PMS1: variants seen among roughly 807,000 people sequenced by gnomAD.
The protein encoded by PMS1 is PMS1 homolog 1, mismatch repair system component, also known as PMS1 protein homolog 1.
In PMS1, 79 loss-of-function variants were observed where a neutral mutation model predicts 93.1. The observed-to-expected ratio is 0.85, with a 90% CI of 0.71 to 1.02. PMS1 has a LOEUF of 1.02. PMS1 is among the 50% of genes least tolerant of loss of function. PMS1 has a pLI of 0.00. For missense variants in PMS1, 1,064 were observed against 1,085.3 expected (o/e 0.98, Z 0.28); for synonymous variants, 335 against 363.4 (o/e 0.92, Z 0.89).
chr2:189,842,654 A>T (rs1161464962), intron 5 of PMS1, among the ~76,000 whole-genome samples: 2 of 152,228 alleles, frequency 1.3e-5, no homozygotes, highest in African/African-American at 4.8e-5. Flanking sequence ...CACACTTCCA[A>T]ATTACTTTGG....
At chr2:189,866,733 C>G (rs1415770852) in intron 10 of PMS1, among the ~76,000 whole-genome samples, 5 of 152,110 alleles carry the variant, frequency 3.3e-5, no homozygotes, top group Non-Finnish European at 7.4e-5. Flanking sequence ...TAGATAATAT[C>G]CACATTTTAT....
rs186231059 is a variant in PMS1 at position 189,785,951 on chromosome 2, C to T, written c.-21+1358C>T. On this transcript the variant is annotated intron_variant, in intron 1 of 12. Transcript: ENST00000441310. ...ACCAGCCTGGCCAACATGGTGAAACCCTGTCTCTACTAAAAATACGAAAAT... is the reference window on the plus strand; with the variant it reads ...ACCAGCCTGGCCAACATGGTGAAACTCTGTCTCTACTAAAAATACGAAAAT... Among the ~76,000 whole-genome samples the T allele has an allele frequency of 2.6e-3, 398 of 152,068 alleles. 3 individuals carry two copies. Among genetic ancestry groups the T allele is most frequent in the Non-Finnish European group, 3.1e-3 (214 of 68,002 alleles).
At position 189,852,741 on chromosome 2, in the gene PMS1, A is replaced by G. The variant is rs763634931; in HGVS notation, c.786A>G (p.Ile262Met). ...CACCAGAAAGAAGTTTCATCTTCATAAACAGTCGACCAGTACATCAAAAAG... is the reference window on the plus strand; with the variant it reads ...CACCAGAAAGAAGTTTCATCTTCATGAACAGTCGACCAGTACATCAAAAAG... ...LSTPERSFIF[I>M]NSRPVHQKDI... The change falls in exon 7 of 13, where the codon ATA (isoleucine) becomes ATG (methionine). Residue 262 changes from isoleucine (I) to methionine (M), a missense_variant. Ile to Met is a conservative substitution (Grantham distance 10). Transcript: ENST00000441310. 8 of 1,594,296 alleles carry G rather than the reference A, an allele frequency of 5.0e-6. No individual in the cohort carries two copies. Among genetic ancestry groups the G allele is most frequent in the Non-Finnish European group, 6.9e-6 (8 of 1,162,132 alleles).
chr2:189,841,070 CAG>C (rs5743099), intron 5 of PMS1, among the ~76,000 whole-genome samples: 2,483 of 152,136 alleles, frequency 0.016, 60 homozygotes, highest in African/African-American at 0.054. Flanking sequence ...ATTGACTAGA[CAG>C]GGGATAAATA....
At chr2:189,871,748 TGTTA>T (rs1209448075) in intron 11 of PMS1, among the ~76,000 whole-genome samples, 4 of 152,188 alleles carry the variant, frequency 2.6e-5, no homozygotes, top group Non-Finnish European at 4.4e-5. Flanking sequence ...TAATTTTCTG[TGTTA>T]GTTTGTTTGT....
At chr2:189,823,222 G>GT (rs547032148) in intron 5 of PMS1, among the ~76,000 whole-genome samples, 7 of 151,276 alleles carry the variant, frequency 4.6e-5, no homozygotes, top group South Asian at 2.1e-4. Flanking sequence ...TTTTTGTTTT[G>GT]TTTTTTTGTT....
At chr2:189,868,044 TAC>T in intron 11 of PMS1, 115 bp downstream of exon 11, 1 of 881,358 alleles carries the variant, frequency 1.1e-6, no homozygotes, top group Admixed American at 1.7e-5. Flanking sequence ...TCACTATAAG[TAC>T]AGTGTCAGCT....
Position 189,854,667 on chromosome 2 carries a change from C to A in PMS1, c.1395C>A (p.Thr465=). 2 of 1,613,650 alleles carry A rather than the reference C, an allele frequency of 1.2e-6. No individual in the cohort carries two copies. Among genetic ancestry groups the A allele is most frequent in the South Asian group, 1.1e-5 (1 of 91,070 alleles). Residue 465 remains threonine, a synonymous_variant, in exon 9 of 13, where the codon ACC becomes ACA. Coordinates refer to ENST00000441310, the MANE Select transcript of PMS1 (RefSeq NM_000534.5). ...KTCFISSVKH[T]QSENGNKDHI... Reference sequence around the variant, plus strand: ...GTTTTATAAGTTCCGTTAAGCACACCCAGTCAGAAAATGGCAATAAAGACC... The same window carrying A: ...GTTTTATAAGTTCCGTTAAGCACACACAGTCAGAAAATGGCAATAAAGACC...
chr2:189,867,653 CAG>C (rs2056778921), intron 10 of PMS1, 144 bp from the exon 11 acceptor site: 2 of 624,376 alleles, frequency 3.2e-6, no homozygotes, highest in East Asian at 5.5e-5. Context: ...AAATGTAAAA[CAG>C]TGATTTCTCA....
intron 6 of PMS1, among the ~76,000 whole-genome samples, chr2:189,849,867 CTTTT>C (rs751444288): frequency 1.7e-5 from 2 of 118,892 alleles, no homozygotes; most frequent in Admixed American, 1.7e-4. Context: ...TATTTTTAAA[CTTTT>C]TTTTTTTTTT....
intron 5 of PMS1, among the ~76,000 whole-genome samples, chr2:189,822,203 G>A (rs536847532): frequency 2.2e-4 from 33 of 152,310 alleles, no homozygotes; most frequent in Non-Finnish European, 3.8e-4. Context: ...AGTCGGATCC[G>A]GATCCGTTGC....
intron 1 of PMS1, among the ~76,000 whole-genome samples, chr2:189,790,488 A>G (rs993170046): frequency 6.6e-6 from 1 of 152,158 alleles, no homozygotes; most frequent in African/African-American, 2.4e-5. Context: ...ATGAGTTTGG[A>G]CCAAGATGTA....
chr2:189,817,404 A>G (rs2051414732), intron 4 of PMS1, among the ~76,000 whole-genome samples: 2 of 152,232 alleles, frequency 1.3e-5, no homozygotes, highest in South Asian at 4.1e-4. Flanking sequence ...TATGACAAAC[A>G]TTCAGTCCTA....
At chr2:189,806,113 G>A in intron 4 of PMS1, 1 of 428,336 alleles carries the variant, frequency 2.3e-6, no homozygotes, top group South Asian at 4.4e-5. Flanking sequence ...GGTAATAGTG[G>A]AAATAAACGA....
At chr2:189,823,077 CTTTTT>C (rs141963499) in intron 5 of PMS1, among the ~76,000 whole-genome samples, 6 of 151,636 alleles carry the variant, frequency 4.0e-5, no homozygotes, top group African/African-American at 1.2e-4. Flanking sequence ...TCTCTTTTTT[CTTTTT>C]TTATTTTATT....
chr2:189,821,192 C>T lies in PMS1; in HGVS notation c.582+3012C>T, dbSNP rs558191205. On this transcript the variant is annotated intron_variant, in intron 5 of 12. Transcript: ENST00000441310. The stretch of plus-strand genomic sequence containing the variant: ...GAAAAGTGGGCTGGGCGCAGTGGCT[C>T]ACACCTGTAATCCCAGCACTTTGGG... Among the ~76,000 whole-genome samples the T allele has an allele frequency of 2.6e-5, 4 of 152,290 alleles. No homozygotes were observed. In the East Asian group the frequency reaches 7.7e-4, roughly 29 times the overall value.
chr2:189,803,694 C>T (rs1043392647), intron 3 of PMS1, among the ~76,000 whole-genome samples: 5 of 152,188 alleles, frequency 3.3e-5, no homozygotes, highest in Non-Finnish European at 7.4e-5. Flanking sequence ...GAAACAAACT[C>T]TCGAAATACA....
rs552085205 is a variant in PMS1, at chr2:189,808,271, A to G, written c.418+2517A>G. Among the ~76,000 whole-genome samples the G allele has an allele frequency of 2.2e-4, 33 of 152,236 alleles. No homozygotes were observed. In the South Asian group the frequency reaches 6.6e-3, roughly 31 times the overall value. On this transcript the variant is annotated intron_variant, in intron 4 of 12. Coordinates refer to ENST00000441310, the MANE Select transcript of PMS1 (RefSeq NM_000534.5). ...ATTGTAGGTACGGGAACAACTTACAACATAATTTTATTTAGGCATTGGAAA... is the reference window on the plus strand; with the variant it reads ...ATTGTAGGTACGGGAACAACTTACAGCATAATTTTATTTAGGCATTGGAAA...
intron 5 of PMS1, among the ~76,000 whole-genome samples, chr2:189,820,175 AGTT>A (rs1241234843): frequency 6.6e-6 from 1 of 152,208 alleles, no homozygotes; most frequent in Non-Finnish European, 1.5e-5. Context: ...TCAGTTTTGC[AGTT>A]GTTCTCTGAA....
Sources: gnomAD v4.1 joint callset for allele counts (sites outside exome capture counted in the v4.1 genomes callset) on GRCh38, gnomAD v4.1.1 for gene constraint, MANE v1.5 for transcripts, NCBI Gene and HGNC (gene_info 2026-07-23, HGNC 2026-07-21) for gene names.